TLN2: variants seen among roughly 807,000 people sequenced by gnomAD.
TLN2 encodes the protein talin-2.
TLN2 carries 118 observed loss-of-function variants against 294.7 expected under a neutral mutation model. The ratio of observed to expected loss-of-function variants is 0.40; its 90% confidence interval spans 0.34 to 0.47. The LOEUF is 0.47. Among genes scored for constraint, TLN2 ranks in the 20% least tolerant of loss-of-function variants. TLN2 has a pLI of 0.84. For missense variants in TLN2, 3,083 were observed against 3,282.2 expected (o/e 0.94, Z 1.48); for synonymous variants, 1,431 against 1,304.5 (o/e 1.10, Z -2.09).
At chr15:62,396,636 C>T (rs904395627) in intron 1 of TLN2, among the ~76,000 whole-genome samples, 1 of 152,080 alleles carries the variant, frequency 6.6e-6, no homozygotes, top group Non-Finnish European at 1.5e-5. Context: ...CAAGCACTCT[C>T]CTTTATCTTA....
chr15:62,514,578 A>C (rs1307531418), intron 1 of TLN2, among the ~76,000 whole-genome samples: 2 of 152,242 alleles, frequency 1.3e-5, no homozygotes, highest in African/African-American at 4.8e-5. Flanking sequence ...TTATTTTAGC[A>C]GTTCATGGGC....
intron 3 of TLN2, among the ~76,000 whole-genome samples, chr15:62,646,847 G>A (rs780883220): frequency 2.0e-5 from 3 of 152,170 alleles, no homozygotes; most frequent in Non-Finnish European, 4.4e-5. Flanking sequence ...GTCCCCAGGT[G>A]CTGAGAGGAC....
At chr15:62,468,749 A>T (rs28666801) in intron 1 of TLN2, among the ~76,000 whole-genome samples, 1,727 of 118,058 alleles carry the variant, frequency 0.015, 14 homozygotes, top group Middle Eastern at 0.04. Context: ...TGTCTCAAAA[A>T]AAAAATAAAA....
At chr15:62,471,373 T>G (rs2037464163) in intron 1 of TLN2, among the ~76,000 whole-genome samples, 1 of 152,202 alleles carries the variant, frequency 6.6e-6, no homozygotes, top group South Asian at 2.1e-4. Context: ...GTTGCCATAC[T>G]TAGGGGCAGT....
At chr15:62,691,336 T>G (rs2057891867) in intron 12 of TLN2, among the ~76,000 whole-genome samples, 2 of 152,186 alleles carry the variant, frequency 1.3e-5, no homozygotes, top group South Asian at 4.1e-4. Flanking sequence ...TATTTTCAGG[T>G]TTACTGATTT....
intron 1 of TLN2, among the ~76,000 whole-genome samples, chr15:62,512,923 C>A (rs1488232788): frequency 6.6e-6 from 1 of 152,178 alleles, no homozygotes; most frequent in Non-Finnish European, 1.5e-5. Flanking sequence ...AGTCTTAAAT[C>A]CTCCTCTTCC....
intron 1 of TLN2, among the ~76,000 whole-genome samples, chr15:62,474,767 C>A (rs906838412): frequency 2.0e-5 from 3 of 152,260 alleles, no homozygotes; most frequent in South Asian, 2.1e-4. Context: ...TGGCTTCTCA[C>A]GTTTGAGAGT....
At chr15:62,516,116 T>C (rs2040179924) in intron 1 of TLN2, among the ~76,000 whole-genome samples, 1 of 152,220 alleles carries the variant, frequency 6.6e-6, no homozygotes, top group African/African-American at 2.4e-5. Flanking sequence ...GAGACCTGGG[T>C]TTAGAGAGGT....
chr15:62,702,920 C>G, intron 19 of TLN2, 56 bp downstream of exon 19: 2 of 1,478,510 alleles, frequency 1.4e-6, no homozygotes, highest in Admixed American at 3.4e-5. Flanking sequence ...TGGTCTAGAC[C>G]CGAGCAGGCA....
intron 37 of TLN2, among the ~76,000 whole-genome samples, chr15:62,756,107 G>C (rs2062232561): frequency 6.6e-6 from 1 of 152,202 alleles, no homozygotes; most frequent in Non-Finnish European, 1.5e-5. Flanking sequence ...AATATATCTG[G>C]ACCAAGAGAG....
intron 5 of TLN2, 86 bp from the exon 6 acceptor site, chr15:62,651,918 TA>T: frequency 2.8e-6 from 4 of 1,415,424 alleles, no homozygotes; most frequent in Non-Finnish European, 2.8e-6. Flanking sequence ...CTGATTTTTT[TA>T]AAATTCATTT....
chr15:62,722,629 G>A (rs2060215080), intron 26 of TLN2, 142 bp downstream of exon 26: 2 of 1,133,086 alleles, frequency 1.8e-6, no homozygotes, highest in Non-Finnish European at 1.2e-6. Context: ...AGATGCCCCT[G>A]TGGGTTGGCT....
intron 52 of TLN2, among the ~76,000 whole-genome samples, chr15:62,817,779 G>A (rs1338487707): frequency 6.8e-6 from 1 of 148,128 alleles, no homozygotes; most frequent in Non-Finnish European, 1.5e-5. Context: ...TCCAAGCATT[G>A]TGAGAAATAC....
At chr15:62,791,118 G>C (rs1427767530) in intron 45 of TLN2, among the ~76,000 whole-genome samples, 2 of 152,026 alleles carry the variant, frequency 1.3e-5, no homozygotes, top group Non-Finnish European at 2.9e-5. Flanking sequence ...CACTTGAGGT[G>C]GACGGATCAC....
At chr15:62,639,942 C>T (rs532874287) in intron 3 of TLN2, among the ~76,000 whole-genome samples, 1 of 152,174 alleles carries the variant, frequency 6.6e-6, no homozygotes, top group Non-Finnish European at 1.5e-5. Context: ...ATAGCTGGCT[C>T]CCAGTGAAGG....
At chr15:62,530,683 G>C (rs1292618434) in intron 1 of TLN2, among the ~76,000 whole-genome samples, 1 of 152,196 alleles carries the variant, frequency 6.6e-6, no homozygotes, top group Non-Finnish European at 1.5e-5. Flanking sequence ...AAAATGGATA[G>C]GCATTGCCTA....
intron 1 of TLN2, among the ~76,000 whole-genome samples, chr15:62,428,347 A>G (rs2034828009): frequency 2.0e-5 from 3 of 152,084 alleles, no homozygotes; most frequent in Non-Finnish European, 4.4e-5. Flanking sequence ...CTAGAAGCTT[A>G]TTTTGTTTGT....
intron 7 of TLN2, 93 bp downstream of exon 7, chr15:62,653,407 T>C (rs1468073284): frequency 2.2e-6 from 3 of 1,391,460 alleles, no homozygotes; most frequent in African/African-American, 2.9e-5. Context: ...GACAGGACTT[T>C]TGATTTTTGT....
chr15:62,704,450 T>A, intron 19 of TLN2, among the ~76,000 whole-genome samples: 1 of 152,352 alleles, frequency 6.6e-6, no homozygotes, highest in South Asian at 2.1e-4. Context: ...CCAAATTTTA[T>A]AAGCATAAGA....
Sources: allele counts gnomAD v4.1 joint callset (sites outside exome capture counted in the v4.1 genomes callset), GRCh38; gene constraint gnomAD v4.1.1; transcripts MANE v1.5; gene names NCBI Gene and HGNC (gene_info 2026-07-23, HGNC 2026-07-21).